PCDHAC1: variants seen among roughly 807,000 people sequenced by gnomAD.
PCDHAC1 encodes the protein protocadherin alpha-C1.
A neutral mutation model predicts 60.0 loss-of-function variants in PCDHAC1; 42 were observed. The ratio of observed to expected loss-of-function variants is 0.70; its 90% CI spans 0.55 to 0.90. The LOEUF is 0.90. PCDHAC1 is among the 40% of genes least tolerant of loss of function. PCDHAC1 has a pLI of 0.00. For synonymous variants in PCDHAC1, 468 were observed against 499.3 expected, an observed-to-expected ratio of 0.94 and a Z score of 0.84; for missense variants, 1,160 against 1,222.3, an observed-to-expected ratio of 0.95 and a Z score of 0.76.
chr5:140,941,251 C>CT (rs1177440606), intron 1 of PCDHAC1, among the ~76,000 whole-genome samples: 1 of 121,786 alleles, frequency 8.2e-6, no homozygotes, highest in Non-Finnish European at 1.8e-5. Context: ...TTCTTTCTTT[C>CT]TTTCTCTTTC....
intron 1 of PCDHAC1, among the ~76,000 whole-genome samples, chr5:140,952,792 T>C (rs2094798499): frequency 6.6e-6 from 1 of 152,210 alleles, no homozygotes; most frequent in African/African-American, 2.4e-5. Flanking sequence ...GAGGTTTAAC[T>C]GGCTCGCAGT....
At chr5:140,969,045 CCAA>C in intron 1 of PCDHAC1, 4 of 1,614,090 alleles carry the variant, frequency 2.5e-6, no homozygotes, top group Non-Finnish European at 3.4e-6. Flanking sequence ...TACAAACAAG[CCAA>C]CAACAATATT....
intron 1 of PCDHAC1, among the ~76,000 whole-genome samples, chr5:140,939,231 G>A (rs1305244022): frequency 6.6e-6 from 1 of 152,134 alleles, no homozygotes; most frequent in East Asian, 1.9e-4. Context: ...TCACCTTCTG[G>A]AAGGAGCAAG....
At chr5:140,982,234 A>C (rs1039012011) in intron 2 of PCDHAC1, 1 of 643,856 alleles carries the variant, frequency 1.6e-6, no homozygotes. Flanking sequence ...AAAAAACAGA[A>C]TTGCCATAAA....
At chr5:140,967,468 C>T (rs155807) in intron 1 of PCDHAC1, 541,339 of 1,613,022 alleles carry the variant, frequency 0.34, 92,423 homozygotes, top group East Asian at 0.5. Context: ...ATGGGGGCAT[C>T]CCAGCCCGCT....
intron 3 of PCDHAC1, among the ~76,000 whole-genome samples, chr5:141,004,025 A>G (rs191768123): frequency 1.3e-5 from 2 of 152,316 alleles, no homozygotes; most frequent in Non-Finnish European, 2.9e-5. Context: ...AAGAAGAAAC[A>G]TTTCCTTGAT....
At chr5:140,934,590 G>T (rs1305372783) in intron 1 of PCDHAC1, among the ~76,000 whole-genome samples, 4 of 151,886 alleles carry the variant, frequency 2.6e-5, no homozygotes, top group Admixed American at 2.6e-4. Context: ...TCTGTAATGG[G>T]TCTTCAACTA....
At chr5:140,945,125 T>G (rs405192) in intron 1 of PCDHAC1, among the ~76,000 whole-genome samples, 86,337 of 151,830 alleles carry the variant, frequency 0.57, 25,231 homozygotes, top group African/African-American at 0.71. Flanking sequence ...AAAAATCAAC[T>G]TACAAAAATC....
At chr5:140,960,832 G>T (rs141442734) in intron 1 of PCDHAC1, among the ~76,000 whole-genome samples, 1 of 152,230 alleles carries the variant, frequency 6.6e-6, no homozygotes, top group African/African-American at 2.4e-5. Flanking sequence ...TGGAAACTTG[G>T]AACAGGTTTA....
rs782116961 is a variant in PCDHAC1, at chr5:140,966,933, C to T, written c.2434-12016C>T. On this transcript the variant is annotated intron_variant, in intron 1 of 3. Transcript: ENST00000253807. ...GTGCCAGAGGAGCAGGCACCCGGCGCGCTCGTGGGCAACGTGGCTCGCGCG... is the reference window on the plus strand; with the variant it reads ...GTGCCAGAGGAGCAGGCACCCGGCGTGCTCGTGGGCAACGTGGCTCGCGCG... 2.5e-6 allele frequency: 4 copies of T among 1,603,904 alleles called. No individual in the cohort carries two copies. The highest frequency in any genetic ancestry group is 1.1e-5 in the South Asian group (1 of 90,778).
intron 1 of PCDHAC1, 149 bp from the exon 2 acceptor site, chr5:140,978,800 T>C: frequency 6.8e-7 from 1 of 1,480,668 alleles, no homozygotes; most frequent in South Asian, 1.4e-5. Flanking sequence ...TATATGTAGA[T>C]ATCATCATAG....
chr5:140,970,019 A>G (rs1385793747), intron 1 of PCDHAC1, among the ~76,000 whole-genome samples: 2 of 152,212 alleles, frequency 1.3e-5, no homozygotes, highest in Non-Finnish European at 2.9e-5. Context: ...ATGGTGAGGC[A>G]GAGAGATTAA....
At chr5:141,008,299 C>T (rs1223779122) in intron 3 of PCDHAC1, among the ~76,000 whole-genome samples, 2 of 152,120 alleles carry the variant, frequency 1.3e-5, no homozygotes, top group Non-Finnish European at 2.9e-5. Flanking sequence ...TGTACCCAAC[C>T]CTAAACTGTA....
At chr5:140,990,962 T>C (rs2097423975) in intron 3 of PCDHAC1, among the ~76,000 whole-genome samples, 2 of 152,180 alleles carry the variant, frequency 1.3e-5, no homozygotes, top group Non-Finnish European at 2.9e-5. Context: ...AATAGTCTCT[T>C]AGAACAAGAG....
In PCDHAC1 at chr5:140,926,852, T is replaced by C; in HGVS notation, c.-41T>C. On this transcript the variant is annotated 5_prime_UTR_variant, in exon 1 of 4. Coordinates refer to ENST00000253807, the MANE Select transcript of PCDHAC1 (RefSeq NM_018898.5). Reference sequence around the variant, plus strand: ...CCGGAGCATGGTCCTGGGTCACCGTTGGTGTAGCGTGTTGGTGGAACGTGG... The same window carrying C: ...CCGGAGCATGGTCCTGGGTCACCGTCGGTGTAGCGTGTTGGTGGAACGTGG... The C allele has an allele frequency of 1.3e-6, 2 of 1,517,714 alleles. No individual in the cohort carries two copies. The highest frequency in any genetic ancestry group is 1.8e-6 in the Non-Finnish European group (2 of 1,133,394). The allele number at this position is 1,517,714 out of a possible 1,614,324, so 94.0% of individuals were successfully genotyped here.
rs1314972050 is a variant in PCDHAC1, at chr5:141,011,103, T to A, written c.*1166T>A. 6.5e-6 allele frequency: 1 copy of A among 153,762 alleles called. No individual in the cohort carries two copies. Among genetic ancestry groups the A allele is most frequent in the Non-Finnish European group, 1.5e-5 (1 of 68,036 alleles). The allele number at this position is 153,762 out of a possible 1,614,324, so 9.5% of individuals were successfully genotyped here. A position where few individuals can be genotyped will look rare whatever the true frequency, so the allele number is the denominator to read the frequency against. On this transcript the variant is annotated 3_prime_UTR_variant, in exon 4 of 4. Coordinates refer to ENST00000253807, the MANE Select transcript of PCDHAC1 (RefSeq NM_018898.5). ...TGATCTCTCTTTCTCTCTCTCTCTC[T>A]CTTTTCTAAGAAACAATTATGTGCA... is the stretch of plus-strand genomic sequence containing the variant.
At chr5:140,955,240 G>A (rs2095156409) in intron 1 of PCDHAC1, among the ~76,000 whole-genome samples, 1 of 152,102 alleles carries the variant, frequency 6.6e-6, no homozygotes, top group African/African-American at 2.4e-5. Flanking sequence ...TTTTGCTTAG[G>A]ATCGGCTTGG....
intron 1 of PCDHAC1, among the ~76,000 whole-genome samples, chr5:140,946,167 T>C (rs2153672434): frequency 6.6e-6 from 1 of 151,842 alleles, no homozygotes; most frequent in South Asian, 2.1e-4. Context: ...AAAAGATGGG[T>C]AAAGGATGTG....
intron 1 of PCDHAC1, chr5:140,968,002 G>A: frequency 6.2e-7 from 1 of 1,614,208 alleles, no homozygotes; most frequent in South Asian, 1.1e-5. Flanking sequence ...CTTTCCGACT[G>A]AATGGCTTTG....
Sources: allele counts gnomAD v4.1 joint callset (sites outside exome capture counted in the v4.1 genomes callset), GRCh38; gene constraint gnomAD v4.1.1; transcripts MANE v1.5; gene names NCBI Gene and HGNC (gene_info 2026-07-23, HGNC 2026-07-21).